KIF5C: variants seen among roughly 807,000 people sequenced by gnomAD.
KIF5C encodes the protein kinesin heavy chain isoform 5C.
In KIF5C, 18 loss-of-function variants were observed where a neutral mutation model predicts 125.2. That is an observed-to-expected ratio of 0.14 (90% CI 0.10 to 0.21). The LOEUF is 0.21. Ranked by LOEUF, KIF5C falls within the 10% of genes least tolerant of loss-of-function variation. The pLI, the probability that KIF5C is intolerant of heterozygous loss-of-function variation, is 1.00. For missense variants in KIF5C, 780 were observed against 1,183.8 expected (o/e 0.66, Z 5.01); for synonymous variants, 405 against 434.0 (o/e 0.93, Z 0.83).
At chr2:148,917,199 C>T (rs531386341) in intron 1 of KIF5C, among the ~76,000 whole-genome samples, 6 of 152,224 alleles carry the variant, frequency 3.9e-5, no homozygotes, top group African/African-American at 1.2e-4. Context: ...CTTTCCTCAA[C>T]GGTTTCATGT....
chr2:148,942,835 G>A (rs1682438967), intron 7 of KIF5C, 75 bp downstream of exon 7: 3 of 1,555,126 alleles, frequency 1.9e-6, no homozygotes, highest in Non-Finnish European at 2.6e-6. Context: ...GGGGGGTGGG[G>A]AATTAGGTAC....
At chr2:148,911,703 A>T (rs572013684) in intron 1 of KIF5C, among the ~76,000 whole-genome samples, 3 of 152,192 alleles carry the variant, frequency 2.0e-5, no homozygotes, top group Non-Finnish European at 4.4e-5. Context: ...GAAGAGGTGG[A>T]TATTGGAAGG....
At chr2:148,929,537 A>G (rs1682123090) in intron 3 of KIF5C, among the ~76,000 whole-genome samples, 183 bp downstream of exon 3, 1 of 152,242 alleles carries the variant, frequency 6.6e-6, no homozygotes, top group South Asian at 2.1e-4. Flanking sequence ...TCAGGAATTC[A>G]GTATTTTAAA....
At chr2:148,908,786 T>C (rs990985589) in intron 1 of KIF5C, among the ~76,000 whole-genome samples, 12 of 152,238 alleles carry the variant, frequency 7.9e-5, no homozygotes, top group Non-Finnish European at 2.9e-5. Context: ...ATATTCTGAA[T>C]GCTTGCTTAA....
intron 1 of KIF5C, among the ~76,000 whole-genome samples, chr2:148,911,361 G>T (rs757455310): frequency 6.6e-6 from 1 of 152,208 alleles, no homozygotes; most frequent in Non-Finnish European, 1.5e-5. Flanking sequence ...CAGCATCCAG[G>T]GGGGCTGCTG....
chr2:148,911,132 G>A lies in KIF5C; in HGVS notation c.127-11005G>A, dbSNP rs376648135. On this transcript the variant is annotated intron_variant, in intron 1 of 25. Coordinates refer to ENST00000435030, the MANE Select transcript of KIF5C (RefSeq NM_004522.3). ...TCAGAGTTCAGGATGGACTTTGTTC[G>A]TCTTCTGCCTACAGCATGTGGCTAA... Among the ~76,000 whole-genome samples the A allele has an allele frequency of 8.5e-5, 13 of 152,282 alleles. No individual in the cohort carries two copies. The East Asian group carries it at 1.5e-3, about 18-fold the overall frequency.
intron 12 of KIF5C, among the ~76,000 whole-genome samples, chr2:148,977,476 A>G (rs984308485): frequency 1.6e-4 from 24 of 152,366 alleles, no homozygotes; most frequent in African/African-American, 5.5e-4. Context: ...GAACATAAAC[A>G]CAAAATCGTT....
At chr2:148,875,815 GC>G in intron 1 of KIF5C, 72 bp downstream of exon 1, 2 of 1,537,938 alleles carry the variant, frequency 1.3e-6, no homozygotes, top group Non-Finnish European at 1.8e-6. Flanking sequence ...CCCAGACGCA[GC>G]GGAGGTGTTT....
At chr2:149,002,735 A>G (rs1369283952) in intron 21 of KIF5C, among the ~76,000 whole-genome samples, 1 of 152,028 alleles carries the variant, frequency 6.6e-6, no homozygotes, top group Non-Finnish European at 1.5e-5. Flanking sequence ...CACACCCGTC[A>G]CTCATACACT....
intron 13 of KIF5C, 44 bp downstream of exon 13, chr2:148,979,034 T>C: frequency 6.7e-7 from 1 of 1,497,296 alleles, no homozygotes; most frequent in Admixed American, 2.2e-5. Flanking sequence ...GTTCTTCTAT[T>C]ACTCTTTGTT....
chr2:148,883,250 C>G (rs1681417896), intron 1 of KIF5C, among the ~76,000 whole-genome samples: 1 of 152,072 alleles, frequency 6.6e-6, no homozygotes, highest in South Asian at 2.1e-4. Flanking sequence ...ACCTGTAATC[C>G]CAGCACTTTG....
At chr2:148,938,254 C>A (rs1035582998) in intron 4 of KIF5C, among the ~76,000 whole-genome samples, 2 of 152,172 alleles carry the variant, frequency 1.3e-5, no homozygotes, top group African/African-American at 4.8e-5. Context: ...AATCTAAGCC[C>A]TGTTTTTCTT....
chr2:148,989,211 G>A (rs1188627528), intron 15 of KIF5C, among the ~76,000 whole-genome samples: 1 of 152,016 alleles, frequency 6.6e-6, no homozygotes, highest in Non-Finnish European at 1.5e-5. Flanking sequence ...GAGAATATAC[G>A]ATGTTTGGTT....
At chr2:148,947,948 C>T (rs1329968872) in intron 8 of KIF5C, 1 of 456,584 alleles carries the variant, frequency 2.2e-6, no homozygotes, top group African/African-American at 2.0e-5. Flanking sequence ...AAGTTATGGC[C>T]ACTTACATCC....
chr2:149,022,752 C>T (rs1682568716), intron 25 of KIF5C, among the ~76,000 whole-genome samples: 1 of 152,092 alleles, frequency 6.6e-6, no homozygotes, highest in African/African-American at 2.4e-5. Context: ...GGTGAAACAC[C>T]GTCTCTACTA....
Position 148,981,481 on chromosome 2 carries a change from A to C in KIF5C, c.1489A>C (p.Asn497His). Reference sequence around the variant, plus strand: ...CCAGGCCCTGGAGGAGCTGGCTGTCAATTATGACCAGAAATCACAGGAAGT... The same window carrying C: ...CCAGGCCCTGGAGGAGCTGGCTGTCCATTATGACCAGAAATCACAGGAAGT... ...VLQALEELAV[N>H]YDQKSQEVED... The change falls in exon 14 of 26, where the codon AAT becomes CAT. Residue 497 changes from asparagine (N) to histidine (H), a missense_variant. Physicochemically the swap from Asn to His is moderately conservative, Grantham distance 68 (BLOSUM62 1). Transcript: ENST00000435030. 1 of 1,608,030 alleles carries C rather than the reference A, an allele frequency of 6.2e-7. No individual in the cohort carries two copies. The highest frequency in any genetic ancestry group is 8.5e-7 in the Non-Finnish European group (1 of 1,177,218).
Position 148,991,252 on chromosome 2 carries a change from C to T in KIF5C, c.1905+54C>T, listed in dbSNP as rs547272855. The stretch of plus-strand genomic sequence containing the variant: ...CTCTTGTTGTCTTGAGATCTGCTCC[C>T]TCCATGCCCTTGCTGGTGCTGATGG... On this transcript the variant is annotated intron_variant, in intron 16 of 25. Coordinates refer to ENST00000435030, the MANE Select transcript of KIF5C (RefSeq NM_004522.3). The T allele has an allele frequency of 1.3e-3, 2,115 of 1,567,768 alleles. 35 individuals are homozygous for T. The South Asian group carries it at 0.023, about 17-fold the overall frequency.
intron 7 of KIF5C, among the ~76,000 whole-genome samples, chr2:148,946,570 G>A (rs1682524231): frequency 6.6e-6 from 1 of 152,170 alleles, no homozygotes; most frequent in Non-Finnish European, 1.5e-5. Flanking sequence ...AGGGGAGGAG[G>A]TAGTGAATTC....
chr2:148,959,117 G>A (rs1226694029), intron 10 of KIF5C, among the ~76,000 whole-genome samples: 3 of 152,146 alleles, frequency 2.0e-5, no homozygotes, highest in African/African-American at 7.2e-5. Flanking sequence ...ATGGTATTGG[G>A]GGTGAGGAAT....
Sources: gnomAD v4.1 joint callset for allele counts (sites outside exome capture counted in the v4.1 genomes callset) on GRCh38, gnomAD v4.1.1 for gene constraint, MANE v1.5 for transcripts, NCBI Gene and HGNC (gene_info 2026-07-23, HGNC 2026-07-21) for gene names.